The following MAML2 variants were observed in gnomAD, a reference collection of about 807,000 sequenced individuals.
MAML2 encodes the protein mastermind like transcriptional coactivator 2.
MAML2 carries 22 observed loss-of-function variants against 96.1 expected under a neutral mutation model. That is an observed-to-expected ratio of 0.23 (90% confidence interval 0.16 to 0.33). MAML2 has a LOEUF of 0.33. MAML2 is among the 10% of genes least tolerant of loss of function. The pLI is 1.00. For missense variants in MAML2, 1,367 were observed against 1,392.4 expected, an observed-to-expected ratio of 0.98 and a Z score of 0.29; for synonymous variants, 561 against 521.3, an observed-to-expected ratio of 1.08 and a Z score of -1.04.
At chr11:96,070,462 C>G (rs1859327638) in intron 2 of MAML2, among the ~76,000 whole-genome samples, 1 of 152,204 alleles carries the variant, frequency 6.6e-6, no homozygotes, top group African/African-American at 2.4e-5. Flanking sequence ...CTTTGGGGTC[C>G]TGCGGTGCCT....
intron 2 of MAML2, among the ~76,000 whole-genome samples, chr11:96,078,959 G>A (rs1859491534): frequency 6.6e-6 from 1 of 152,230 alleles, no homozygotes. Context: ...GCAGTAAGAA[G>A]TGTGCTTCAT....
At position 96,241,130 on chromosome 11, in the gene MAML2, A is replaced by G. The variant is rs140801990; in HGVS notation, c.513+100253T>C. On this transcript the variant is annotated intron_variant, in intron 1 of 4. Transcript: ENST00000524717. ...TCGGCTGTTGTGAGGTAGAGTTTTT[A>G]TTATAGTATATATTTACAAATGTCT... Among the ~76,000 whole-genome samples the G allele has an allele frequency of 7.9e-4, 121 of 152,336 alleles. 1 individual carries two copies. In the East Asian group the frequency reaches 0.018, roughly 23 times the overall value.
At chr11:96,057,342 T>C (rs1859085800) in intron 2 of MAML2, among the ~76,000 whole-genome samples, 1 of 152,180 alleles carries the variant, frequency 6.6e-6, no homozygotes, top group Non-Finnish European at 1.5e-5. Context: ...TAAATGCAAC[T>C]TAAGCCAAAA....
Position 96,268,238 on chromosome 11 carries a change from G to T in MAML2, c.513+73145C>A, listed in dbSNP as rs142540078. On this transcript the variant is annotated intron_variant, in intron 1 of 4. Transcript: ENST00000524717. ...ACCTGTAATCCCAGCACTTTGGAAG[G>T]CTGAGGAGGGAGAGTCACTTGAGTC... is the stretch of plus-strand genomic sequence containing the variant. Among the ~76,000 whole-genome samples, 1,170 of 152,300 alleles carry T rather than the reference G, an allele frequency of 7.7e-3. 22 individuals are homozygous for T. The highest frequency in any genetic ancestry group is 0.027 in the African/African-American group (1,108 of 41,570).
At position 95,977,061 on chromosome 11, in the gene MAML2, C is replaced by A. The variant is rs908275848; in HGVS notation, c.*1887G>T. 5.0e-6 allele frequency: 1 copy of A among 201,110 alleles called. No individual in the cohort carries two copies. The highest frequency in any genetic ancestry group is 1.0e-5 in the Non-Finnish European group (1 of 97,608). The allele number at this position is 201,110 out of a possible 1,614,324, so 12.5% of individuals were successfully genotyped here. On this transcript the variant is annotated 3_prime_UTR_variant, in exon 5 of 5. Coordinates refer to ENST00000524717, the MANE Select transcript of MAML2 (RefSeq NM_032427.4). ...TTGAGGTTTCAGAATATAAATTTGT[C>A]TAACAAGCCTCTTGATAGTTTTCAA...
intron 1 of MAML2, among the ~76,000 whole-genome samples, chr11:96,209,194 G>T (rs1321032330): frequency 7.9e-6 from 1 of 126,310 alleles, no homozygotes; most frequent in African/African-American, 3.0e-5. Context: ...AGCAACCAAA[G>T]ACTTGAAAAC....
At chr11:96,040,813 A>T (rs894777303) in intron 2 of MAML2, among the ~76,000 whole-genome samples, 1 of 152,174 alleles carries the variant, frequency 6.6e-6, no homozygotes, top group African/African-American at 2.4e-5. Flanking sequence ...TCTCATAACT[A>T]ACCACCCTGC....
chr11:96,092,476 G>A lies in MAML2; in HGVS notation c.1555C>T (p.Pro519Ser). Residue 519 changes from proline to serine, a missense_variant, in exon 2 of 5, where the codon CCC (proline) becomes TCC (serine). Pro to Ser is a moderately conservative substitution (Grantham distance 74, BLOSUM62 -1). Coordinates refer to ENST00000524717, the MANE Select transcript of MAML2 (RefSeq NM_032427.4). The surrounding 1 kb of genome is among the most constrained non-coding windows in gnomAD (Gnocchi z 4.1). ...TCTAGGTGCCCACCCTGGGCTGAGGGGCCGGCCTTGTACATGTAGTTAGCC... is the reference window on the plus strand; with the variant it reads ...TCTAGGTGCCCACCCTGGGCTGAGGAGCCGGCCTTGTACATGTAGTTAGCC... ...VMANYMYKAG[P>S]SAQGGHLDVL... The A allele has an allele frequency of 6.2e-7, 1 of 1,609,592 alleles. No individual in the cohort carries two copies. The highest frequency in any genetic ancestry group is 1.1e-5 in the South Asian group (1 of 90,348).
chr11:96,251,562 C>A (rs1450380784), intron 1 of MAML2, among the ~76,000 whole-genome samples: 1 of 152,122 alleles, frequency 6.6e-6, no homozygotes, highest in Non-Finnish European at 1.5e-5. Flanking sequence ...ATTTAGAGTT[C>A]TAGCTAAGCC....
At chr11:96,310,094 C>T (rs1863517277) in intron 1 of MAML2, among the ~76,000 whole-genome samples, 1 of 152,056 alleles carries the variant, frequency 6.6e-6, no homozygotes, top group Non-Finnish European at 1.5e-5. Flanking sequence ...AAACTATCAT[C>T]ATATTTGGAG....
intron 1 of MAML2, among the ~76,000 whole-genome samples, chr11:96,263,861 G>A (rs1267071653): frequency 6.6e-6 from 1 of 152,182 alleles, no homozygotes; most frequent in African/African-American, 2.4e-5. Context: ...TATTATTTGT[G>A]TAGCCTTGTG....
chr11:96,041,559 A>AAAGG (rs1858811865), intron 2 of MAML2, among the ~76,000 whole-genome samples: 1 of 151,924 alleles, frequency 6.6e-6, no homozygotes, highest in Admixed American at 6.6e-5. Flanking sequence ...AGAAAGAAAG[A>AAAGG]AAAAAGAAGG....
chr11:96,245,554 G>T (rs1862499239), intron 1 of MAML2, among the ~76,000 whole-genome samples: 1 of 152,028 alleles, frequency 6.6e-6, no homozygotes. Flanking sequence ...ATAAACTTCT[G>T]CTTTGGTCTA....
intron 2 of MAML2, among the ~76,000 whole-genome samples, chr11:96,028,586 G>T (rs1024874553): frequency 1.3e-5 from 2 of 152,082 alleles, no homozygotes; most frequent in Non-Finnish European, 2.9e-5. Context: ...CAAAGTGCCT[G>T]GCACATAATA....
Position 96,103,722 on chromosome 11 carries a change from C to T in MAML2, c.514-10205G>A, listed in dbSNP as rs375520303. Among the ~76,000 whole-genome samples the T allele has an allele frequency of 2.6e-5, 4 of 152,290 alleles. No individual in the cohort carries two copies. In the East Asian group the frequency reaches 7.7e-4, roughly 29 times the overall value. ...TTCTTCATTCTTCTTCAGGCTCCTTCTGCTTTAAGCGCGGTAAGCAATCAA... is the reference window on the plus strand; with the variant it reads ...TTCTTCATTCTTCTTCAGGCTCCTTTTGCTTTAAGCGCGGTAAGCAATCAA... On this transcript the variant is annotated intron_variant, in intron 1 of 4. Transcript: ENST00000524717.
chr11:96,036,383 A>C (rs1858711980), intron 2 of MAML2, among the ~76,000 whole-genome samples: 1 of 152,166 alleles, frequency 6.6e-6, no homozygotes. Context: ...TGGATCTTTC[A>C]TTCATTTTAA....
intron 1 of MAML2, among the ~76,000 whole-genome samples, chr11:96,109,830 C>G (rs754236875): frequency 6.6e-6 from 1 of 152,028 alleles, no homozygotes; most frequent in Non-Finnish European, 1.5e-5. Flanking sequence ...AGATCAGGAG[C>G]GAACTTTGGT....
intron 1 of MAML2, among the ~76,000 whole-genome samples, chr11:96,303,929 T>C (rs565658192): frequency 2.0e-5 from 3 of 152,222 alleles, no homozygotes; most frequent in Non-Finnish European, 4.4e-5. Context: ...GAACTGCTGC[T>C]GTGGGCCAGC....
intron 1 of MAML2, among the ~76,000 whole-genome samples, chr11:96,223,862 T>C (rs1862175694): frequency 6.6e-6 from 1 of 152,214 alleles, no homozygotes; most frequent in South Asian, 2.1e-4. Flanking sequence ...TCTCAATTTG[T>C]AGTTTGTTTT....
Sources: allele counts gnomAD v4.1 joint callset (sites outside exome capture counted in the v4.1 genomes callset), GRCh38; gene constraint gnomAD v4.1.1; non-coding constraint Gnocchi (gnomAD v3.1); transcripts MANE v1.5; gene names NCBI Gene and HGNC (gene_info 2026-07-23, HGNC 2026-07-21).